Variants in SMOC2 observed in about 807,000 individuals in gnomAD.
SMOC2 encodes the protein SPARC related modular calcium binding 2.
SMOC2 carries 39 observed loss-of-function variants against 61.4 expected under a neutral mutation model. The observed-to-expected ratio is 0.64, with a 90% CI of 0.49 to 0.83. SMOC2 has a LOEUF of 0.83. Among genes scored for constraint, SMOC2 ranks in the 40% least tolerant of loss-of-function variants. The pLI is 0.00. For synonymous variants in SMOC2, 247 were observed against 239.9 expected, an observed-to-expected ratio of 1.03 and a Z score of -0.27; for missense variants, 556 against 592.9, an observed-to-expected ratio of 0.94 and a Z score of 0.65.
chr6:168,656,564 A>AG (rs1787330699), intron 11 of SMOC2, among the ~76,000 whole-genome samples: 1 of 151,058 alleles, frequency 6.6e-6, no homozygotes, highest in Non-Finnish European at 1.5e-5. Flanking sequence ...GGAAAAAAAA[A>AG]AAACCCTCCC....
At chr6:168,632,139 A>G (rs963774806) in intron 9 of SMOC2, among the ~76,000 whole-genome samples, 2 of 152,242 alleles carry the variant, frequency 1.3e-5, no homozygotes, top group Non-Finnish European at 2.9e-5. Flanking sequence ...AATTTTGTCA[A>G]TGACAGGAGG....
At position 168,526,442 on chromosome 6, in the gene SMOC2, C is replaced by T; in HGVS notation, c.353C>T (p.Thr118Ile). Reference protein sequence around the residue: ...VFIPECNDDGTYSQVQCHSYT... With the variant: ...VFIPECNDDGIYSQVQCHSYT... ...ATTCCTGAGTGCAATGACGACGGCA[C>T]CTACAGTCAGGTTACCGGCCTTGCT... is the stretch of plus-strand genomic sequence containing the variant. The change falls in exon 3 of 13, where the codon ACC becomes ATC. Residue 118 changes from threonine to isoleucine, a missense_variant. By Grantham distance (89) the Thr-to-Ile change is moderately conservative. Coordinates refer to ENST00000356284, the MANE Select transcript of SMOC2 (RefSeq NM_001166412.2). 6.2e-7 allele frequency: 1 copy of T among 1,613,960 alleles called. No individual in the cohort carries two copies. The highest frequency in any genetic ancestry group is 8.5e-7 in the Non-Finnish European group (1 of 1,179,900).
At chr6:168,639,958 G>A (rs763563589) in intron 9 of SMOC2, among the ~76,000 whole-genome samples, 27 of 152,024 alleles carry the variant, frequency 1.8e-4, no homozygotes, top group Admixed American at 1.8e-3. Flanking sequence ...AGCTACGGGT[G>A]TGGGCTTTCT....
intron 2 of SMOC2, among the ~76,000 whole-genome samples, chr6:168,518,216 A>C (rs1783193297): frequency 6.6e-6 from 1 of 152,226 alleles, no homozygotes; most frequent in African/African-American, 2.4e-5. Context: ...CCTATCGGGC[A>C]GCATCGACCT....
At chr6:168,543,387 A>G (rs1783916595) in intron 4 of SMOC2, among the ~76,000 whole-genome samples, 1 of 152,196 alleles carries the variant, frequency 6.6e-6, no homozygotes, top group Non-Finnish European at 1.5e-5. Context: ...TCTTATATAC[A>G]TGTGCAACCC....
chr6:168,638,274 C>T (rs1293958122), intron 9 of SMOC2, among the ~76,000 whole-genome samples: 1 of 152,142 alleles, frequency 6.6e-6, no homozygotes, highest in Non-Finnish European at 1.5e-5. Flanking sequence ...AGCGTAAAGA[C>T]AGACTCTTTT....
chr6:168,487,710 C>A (rs141858823), intron 1 of SMOC2, among the ~76,000 whole-genome samples: 1 of 152,006 alleles, frequency 6.6e-6, no homozygotes, highest in Non-Finnish European at 1.5e-5. Flanking sequence ...ACCATGTTGG[C>A]CAGGGTGGTC....
chr6:168,441,628 G>A (rs892293728), intron 1 of SMOC2, among the ~76,000 whole-genome samples, 174 bp downstream of exon 1: 11 of 152,120 alleles, frequency 7.2e-5, no homozygotes, highest in Non-Finnish European at 1.3e-4. Flanking sequence ...AGGACGCAGC[G>A]TGCGCGCCTG....
intron 1 of SMOC2, among the ~76,000 whole-genome samples, chr6:168,496,612 G>C (rs2115037473): frequency 6.6e-6 from 1 of 152,278 alleles, no homozygotes; most frequent in Non-Finnish European, 1.5e-5. Flanking sequence ...TCTTCTGAGA[G>C]GTTTCTTCCT....
At chr6:168,527,932 T>C (rs537682589) in intron 4 of SMOC2, among the ~76,000 whole-genome samples, 7 of 152,220 alleles carry the variant, frequency 4.6e-5, no homozygotes, top group African/African-American at 1.7e-4. Flanking sequence ...GGTGAAGCTG[T>C]GTGAATGTAT....
intron 8 of SMOC2, among the ~76,000 whole-genome samples, chr6:168,606,046 T>G (rs1045029852): frequency 6.6e-5 from 10 of 152,186 alleles, no homozygotes; most frequent in Non-Finnish European, 1.5e-4. Context: ...TGAAGATCGT[T>G]CAGCCCTCAG....
intron 1 of SMOC2, among the ~76,000 whole-genome samples, chr6:168,442,272 CTG>C (rs1781229798): frequency 6.6e-6 from 1 of 152,260 alleles, no homozygotes; most frequent in South Asian, 2.1e-4. Context: ...CGGTTGACCG[CTG>C]TGTGTTTTTC....
intron 7 of SMOC2, among the ~76,000 whole-genome samples, chr6:168,577,637 T>C (rs536664635): frequency 6.6e-6 from 1 of 152,308 alleles, no homozygotes; most frequent in Admixed American, 6.5e-5. Flanking sequence ...GGACTGGCTC[T>C]ATCTGGTCCC....
At chr6:168,501,946 G>A (rs2115043176) in intron 1 of SMOC2, among the ~76,000 whole-genome samples, 1 of 152,356 alleles carries the variant, frequency 6.6e-6, no homozygotes, top group African/African-American at 2.4e-5. Context: ...TGGCAGCTCT[G>A]TGCAGGGCTG....
chr6:168,523,339 C>T (rs1444269725), intron 2 of SMOC2, among the ~76,000 whole-genome samples: 6 of 149,996 alleles, frequency 4.0e-5, no homozygotes, highest in African/African-American at 1.5e-4. Flanking sequence ...CCACCCGCCT[C>T]GGCCTCCCAA....
intron 7 of SMOC2, among the ~76,000 whole-genome samples, chr6:168,565,871 T>A (rs546225189): frequency 6.6e-6 from 1 of 152,242 alleles, no homozygotes; most frequent in South Asian, 2.1e-4. Context: ...TGAAAGAGGT[T>A]TGGGGGATTC....
chr6:168,450,608 G>A (rs1340114494), intron 1 of SMOC2, among the ~76,000 whole-genome samples: 2 of 152,158 alleles, frequency 1.3e-5, no homozygotes, highest in African/African-American at 4.8e-5. Context: ...TCATGTTGAA[G>A]TGCTGGATGC....
At chr6:168,527,899 G>T (rs1431680558) in intron 4 of SMOC2, among the ~76,000 whole-genome samples, 172 bp downstream of exon 4, 1 of 152,256 alleles carries the variant, frequency 6.6e-6, no homozygotes, top group Non-Finnish European at 1.5e-5. Context: ...ATTTTAGGGA[G>T]CCCTTGTTTT....
intron 11 of SMOC2, among the ~76,000 whole-genome samples, chr6:168,661,132 T>TA: frequency 6.6e-6 from 1 of 151,982 alleles, no homozygotes; most frequent in Admixed American, 6.6e-5. Context: ...TTTTTTGACT[T>TA]AAAAAAATTC....
Sources: gnomAD v4.1 joint callset for allele counts (sites outside exome capture counted in the v4.1 genomes callset) on GRCh38, gnomAD v4.1.1 for gene constraint, MANE v1.5 for transcripts, NCBI Gene and HGNC (gene_info 2026-07-23, HGNC 2026-07-21) for gene names.